Variants in TRAPPC9 observed in about 807,000 individuals in gnomAD.
The protein encoded by TRAPPC9 is trafficking protein particle complex subunit 9, also known as IKK2 binding protein.
Under a neutral mutation model 124.0 loss-of-function variants are expected in TRAPPC9, and 83 were observed. That is an observed-to-expected ratio of 0.67 (90% CI 0.56 to 0.80). The LOEUF is 0.80. TRAPPC9 is among the 30% of genes least tolerant of loss of function. TRAPPC9 has a pLI of 0.00. For synonymous variants in TRAPPC9, 638 were observed against 617.5 expected (o/e 1.03, Z -0.49); for missense variants, 1,302 against 1,508.3 (o/e 0.86, Z 2.27).
At chr8:139,832,151 C>T (rs1478589084) in intron 21 of TRAPPC9, among the ~76,000 whole-genome samples, 1 of 152,220 alleles carries the variant, frequency 6.6e-6, no homozygotes, top group Non-Finnish European at 1.5e-5. Context: ...CACAAGCTTC[C>T]CTTGGGAAGG....
chr8:139,938,028 G>A (rs578232191), intron 19 of TRAPPC9, among the ~76,000 whole-genome samples: 1 of 152,312 alleles, frequency 6.6e-6, no homozygotes, highest in South Asian at 2.1e-4. Context: ...TCTTTTGGGT[G>A]TCTGGCTTAA....
chr8:140,229,707 G>A (rs2063548216), intron 16 of TRAPPC9, among the ~76,000 whole-genome samples: 1 of 152,098 alleles, frequency 6.6e-6, no homozygotes, highest in South Asian at 2.1e-4. Flanking sequence ...ACAGGCGCAC[G>A]CCACCACACC....
intron 21 of TRAPPC9, among the ~76,000 whole-genome samples, chr8:139,823,558 A>T (rs1025816242): frequency 1.3e-5 from 2 of 152,192 alleles, no homozygotes; most frequent in Non-Finnish European, 2.9e-5. Context: ...AGACCAGCAG[A>T]TGCCCCTGTT....
chr8:140,135,029 G>A (rs1354366564), intron 17 of TRAPPC9, among the ~76,000 whole-genome samples: 1 of 152,096 alleles, frequency 6.6e-6, no homozygotes, highest in Non-Finnish European at 1.5e-5. Flanking sequence ...TTTCTTCAAA[G>A]AAGATATAAA....
At chr8:140,382,659 G>A (rs1026663499) in intron 7 of TRAPPC9, among the ~76,000 whole-genome samples, 3 of 152,118 alleles carry the variant, frequency 2.0e-5, no homozygotes, top group East Asian at 1.9e-4. Context: ...CAAAGTGGCC[G>A]GGAAGCTTGA....
At chr8:140,126,015 G>A (rs1448235225) in intron 17 of TRAPPC9, among the ~76,000 whole-genome samples, 1 of 151,978 alleles carries the variant, frequency 6.6e-6, no homozygotes, top group Non-Finnish European at 1.5e-5. Context: ...TTTGTGATCC[G>A]CCAGCCTCGG....
At chr8:140,112,658 T>C (rs1196671735) in intron 17 of TRAPPC9, among the ~76,000 whole-genome samples, 1 of 152,078 alleles carries the variant, frequency 6.6e-6, no homozygotes, top group Non-Finnish European at 1.5e-5. Context: ...GGTTCGTCAT[T>C]ATCTCCTAGT....
At chr8:140,085,964 G>T (rs1004856537) in intron 17 of TRAPPC9, among the ~76,000 whole-genome samples, 1 of 152,108 alleles carries the variant, frequency 6.6e-6, no homozygotes, top group African/African-American at 2.4e-5. Context: ...TTTTCTAAGG[G>T]TAGGCTGGCA....
chr8:139,858,293 G>A (rs1333213959), intron 21 of TRAPPC9, among the ~76,000 whole-genome samples: 2 of 152,186 alleles, frequency 1.3e-5, no homozygotes, highest in African/African-American at 2.4e-5. Flanking sequence ...ACAGCATGGG[G>A]TGCTTCCTTT....
At chr8:140,284,055 G>A (rs778422621) in intron 13 of TRAPPC9, 34 bp from the exon 14 acceptor site, 3 of 1,613,112 alleles carry the variant, frequency 1.9e-6, no homozygotes, top group African/African-American at 2.7e-5. Context: ...CACTCCACTG[G>A]CAAGGCTTTG....
At chr8:140,456,411 CAAAAA>C (rs11325292) in intron 1 of TRAPPC9, among the ~76,000 whole-genome samples, 1 of 118,228 alleles carries the variant, frequency 8.5e-6, no homozygotes, top group African/African-American at 3.2e-5. Flanking sequence ...GACTCCGTCT[CAAAAA>C]AAAAAAAAAA....
chr8:140,345,005 C>T (rs902315383), intron 9 of TRAPPC9, among the ~76,000 whole-genome samples: 5 of 152,200 alleles, frequency 3.3e-5, no homozygotes, highest in Admixed American at 3.3e-4. Context: ...GGTTTCTGCC[C>T]AAGCAGTGGG....
intron 7 of TRAPPC9, among the ~76,000 whole-genome samples, chr8:140,372,265 G>A (rs373480554): frequency 2.6e-5 from 4 of 152,210 alleles, no homozygotes; most frequent in Non-Finnish European, 4.4e-5. Flanking sequence ...TTAAGGAAGC[G>A]CTTCTCTCCC....
chr8:140,240,132 A>G (rs1258318421), intron 16 of TRAPPC9, among the ~76,000 whole-genome samples: 1 of 152,074 alleles, frequency 6.6e-6, no homozygotes, highest in East Asian at 1.9e-4. Context: ...CCAAATAGAC[A>G]TGTTTTTTTT....
intron 18 of TRAPPC9, among the ~76,000 whole-genome samples, chr8:140,000,300 G>A (rs11782812): frequency 0.78 from 118,682 of 152,056 alleles, 46,865 homozygotes; most frequent in East Asian, 0.93. Flanking sequence ...CCTAGGCATT[G>A]CCATTCAGGA....
intron 19 of TRAPPC9, among the ~76,000 whole-genome samples, chr8:139,953,723 C>T (rs1445536264): frequency 6.6e-6 from 1 of 152,058 alleles, no homozygotes; most frequent in Non-Finnish European, 1.5e-5. Flanking sequence ...AACAAACAGC[C>T]CAACTTTATT....
At chr8:140,151,049 T>G (rs1049102146) in intron 17 of TRAPPC9, among the ~76,000 whole-genome samples, 2 of 151,870 alleles carry the variant, frequency 1.3e-5, no homozygotes, top group Non-Finnish European at 2.9e-5. Context: ...GCTCCCACAT[T>G]TAGGTTCAAA....
intron 14 of TRAPPC9, among the ~76,000 whole-genome samples, chr8:140,282,618 G>A (rs1228051043): frequency 1.3e-5 from 2 of 151,926 alleles, no homozygotes; most frequent in Non-Finnish European, 2.9e-5. Flanking sequence ...GGAAATTAAT[G>A]GGTATGCAAT....
At chr8:140,187,471 C>T (rs558577711) in intron 17 of TRAPPC9, among the ~76,000 whole-genome samples, 1 of 152,290 alleles carries the variant, frequency 6.6e-6, no homozygotes, top group African/African-American at 2.4e-5. Flanking sequence ...AGACTCAGCT[C>T]AAGGCTATAC....
Sources: allele counts gnomAD v4.1 joint callset (sites outside exome capture counted in the v4.1 genomes callset), GRCh38; gene constraint gnomAD v4.1.1; transcripts MANE v1.5; gene names NCBI Gene and HGNC (gene_info 2026-07-23, HGNC 2026-07-21).